The following REXO1 variants were observed in gnomAD, a reference collection of about 807,000 sequenced individuals.
REXO1 encodes the protein REX1, RNA exonuclease 1 homolog.
REXO1 carries 42 observed loss-of-function variants against 102.6 expected under a neutral mutation model. That is an observed-to-expected ratio of 0.41 (90% CI 0.32 to 0.53). REXO1 has a LOEUF of 0.53. REXO1 is among the 20% of genes least tolerant of loss of function. The probability of loss-of-function intolerance (pLI) is 0.27; values close to 1 mark genes in which losing one functional copy is unlikely to be tolerated. For missense variants in REXO1, 1,819 were observed against 1,732.5 expected, an observed-to-expected ratio of 1.05 and a Z score of -0.89; for synonymous variants, 908 against 779.1, an observed-to-expected ratio of 1.17 and a Z score of -2.76.
At chr19:1,819,838 T>C (rs926047762) in intron 7 of REXO1, 96 bp downstream of exon 7, 3 of 1,299,328 alleles carry the variant, frequency 2.3e-6, no homozygotes, top group Non-Finnish European at 3.1e-6. Flanking sequence ...AGACTGTGGC[T>C]GAGCTCAGGG....
chr19:1,818,736 A>C lies in REXO1; in HGVS notation c.2872T>G (p.Phe958Val). 6.2e-7 allele frequency: 1 copy of C among 1,611,252 alleles called. No individual in the cohort carries two copies. The highest frequency in any genetic ancestry group is 8.5e-7 in the Non-Finnish European group (1 of 1,179,890). The change falls in exon 9 of 16, where the codon TTC becomes GTC. Residue 958 changes from phenylalanine (F) to valine (V), a missense_variant. Coordinates refer to ENST00000170168, the MANE Select transcript of REXO1 (RefSeq NM_020695.4). ...TTGGGCCTCTTCTCCTCAGCTGTGA[A>C]GATGATTGCGCCCCCGGGCCGCTCT... The part of the protein sequence containing the change: ...HPERPGGAII[F>V]TAEEKRPKDS...
intron 1 of REXO1, among the ~76,000 whole-genome samples, chr19:1,840,422 C>G (rs1386984048): frequency 1.3e-5 from 2 of 152,158 alleles, no homozygotes; most frequent in East Asian, 3.9e-4. Flanking sequence ...CGCTCCCAGG[C>G]TGGGGACAGA....
At chr19:1,824,655 A>T (rs1244821238) in intron 3 of REXO1, 1 of 152,252 alleles carries the variant, frequency 6.6e-6, no homozygotes, top group Non-Finnish European at 1.5e-5. Flanking sequence ...GCAAATGTTA[A>T]GCATCAAATT....
Position 1,848,186 on chromosome 19 carries a change from G to C in REXO1, c.157+16C>G, listed in dbSNP as rs897937017. On this transcript the variant is annotated intron_variant, in intron 1 of 15. Coordinates refer to ENST00000170168, the MANE Select transcript of REXO1 (RefSeq NM_020695.4). ...AGGGGAGCCGAGCCCAAGGCAAGCA[G>C]GCGGGCGGGCATTACCTGCTGCGGG... 3.4e-6 allele frequency: 4 copies of C among 1,193,900 alleles called. No individual in the cohort carries two copies. The East Asian group carries it at 1.3e-4, about 39-fold the overall frequency. The allele number at this position is 1,193,900 out of a possible 1,614,324, so 74.0% of individuals were successfully genotyped here. A position where few individuals can be genotyped will look rare whatever the true frequency, so the allele number is the denominator to read the frequency against.
chr19:1,838,986 G>A (rs11084909), intron 1 of REXO1, among the ~76,000 whole-genome samples: 58,640 of 151,832 alleles, frequency 0.39, 13,114 homozygotes, highest in Non-Finnish European at 0.52. Flanking sequence ...TGGGCACGGT[G>A]GCTCACGCCT....
chr19:1,819,682 C>A (rs755218694), intron 7 of REXO1, among the ~76,000 whole-genome samples: 1 of 152,240 alleles, frequency 6.6e-6, no homozygotes, highest in African/African-American at 2.4e-5. Context: ...CATTAGCAGG[C>A]GGCCCCTCGG....
intron 1 of REXO1, among the ~76,000 whole-genome samples, chr19:1,831,132 T>C (rs900975075): frequency 2.0e-5 from 3 of 152,170 alleles, no homozygotes; most frequent in African/African-American, 7.2e-5. Flanking sequence ...GGCCTTCATT[T>C]ATGCTGCACC....
In REXO1 at chr19:1,827,330, C is replaced by A. The variant is rs1220845435; in HGVS notation, c.1459G>T (p.Ala487Ser). ...LQLPDRKSTK[A>S]PSGKLVERKA... Reference sequence around the variant, plus strand: ...CGCTCCACTAGCTTCCCCGACGGGGCCTTGGTGCTCTTCCTGTCGGGCAGC... The same window carrying A: ...CGCTCCACTAGCTTCCCCGACGGGGACTTGGTGCTCTTCCTGTCGGGCAGC... Residue 487 changes from alanine (A) to serine (S), a missense_variant, in exon 2 of 16, where the codon GCC becomes TCC. Transcript: ENST00000170168. 1.5e-5 allele frequency: 24 copies of A among 1,557,022 alleles called. No homozygotes were observed. The highest frequency in any genetic ancestry group is 2.0e-5 in the Non-Finnish European group (23 of 1,156,052).
At position 1,826,009 on chromosome 19, in the gene REXO1, T is replaced by A; in HGVS notation, c.1912-66A>T. 8.5e-7 allele frequency: 1 copy of A among 1,180,958 alleles called. No individual in the cohort carries two copies. The highest frequency in any genetic ancestry group is 1.3e-6 in the Non-Finnish European group (1 of 791,126). 73.2% of individuals were successfully genotyped at this position (1,180,958 alleles called of 1,614,324 possible). ...CTGCCAACACCAACACACCCCAACC[T>A]CAAACTGCCCCCGGCAAGTGGGGAA... On this transcript the variant is annotated intron_variant, in intron 2 of 15. Coordinates refer to ENST00000170168, the MANE Select transcript of REXO1 (RefSeq NM_020695.4). The surrounding 1 kb of genome is among the most constrained non-coding windows in gnomAD (Gnocchi z 4.3).
intron 1 of REXO1, among the ~76,000 whole-genome samples, chr19:1,832,914 CAA>C (rs71174388): frequency 0.01 from 760 of 75,886 alleles, 6 homozygotes; most frequent in African/African-American, 0.029. Flanking sequence ...GACTCTGTCT[CAA>C]AAAAAAAAAA....
Position 1,815,567 on chromosome 19 carries a change from C to T in REXO1, c.*499G>A, listed in dbSNP as rs1472190315. ...ACTGGGGTCTGTCCCACCCCCACCCCGCAGGAGGGAAGGCAGCAGGCCCGC... is the reference window on the plus strand; with the variant it reads ...ACTGGGGTCTGTCCCACCCCCACCCTGCAGGAGGGAAGGCAGCAGGCCCGC... On this transcript the variant is annotated 3_prime_UTR_variant, in exon 16 of 16. Transcript: ENST00000170168. This position sits in a 1 kb window ranked among gnomAD's most constrained non-coding sequence, Gnocchi z 4.0. The T allele has an allele frequency of 4.1e-6, 3 of 730,162 alleles. No homozygotes were observed. Among genetic ancestry groups the T allele is most frequent in the Non-Finnish European group, 5.5e-6 (3 of 540,930 alleles). The allele number at this position is 730,162 out of a possible 1,614,324, so 45.2% of individuals were successfully genotyped here. A position where few individuals can be genotyped will look rare whatever the true frequency, so the allele number is the denominator to read the frequency against.
chr19:1,831,908 C>A (rs1402335406), intron 1 of REXO1, among the ~76,000 whole-genome samples: 1 of 150,870 alleles, frequency 6.6e-6, no homozygotes, highest in Non-Finnish European at 1.5e-5. Context: ...GCTGGTTTCC[C>A]AAGCTGCTCC....
rs572426046 is a variant in REXO1, at chr19:1,815,746, G to A, written c.*320C>T. On this transcript the variant is annotated 3_prime_UTR_variant, in exon 16 of 16. Transcript: ENST00000170168. The surrounding 1 kb of genome is among the most constrained non-coding windows in gnomAD (Gnocchi z 4.0). ...GGAGCAGAGGTGCCGGCCACCACCCGGGAGGGAGGGCCTGGCAGGAGGGGC... is the reference window on the plus strand; with the variant it reads ...GGAGCAGAGGTGCCGGCCACCACCCAGGAGGGAGGGCCTGGCAGGAGGGGC... 63 of 1,416,462 alleles carry A rather than the reference G, an allele frequency of 4.4e-5. No homozygotes were observed. In the African/African-American group the frequency reaches 6.8e-4, roughly 15 times the overall value. 87.7% of individuals were successfully genotyped at this position (1,416,462 alleles called of 1,614,324 possible).
In REXO1 at chr19:1,822,063, G is replaced by A. The variant is rs982514934; in HGVS notation, c.2231-381C>T. The stretch of plus-strand genomic sequence containing the variant: ...GCTCATTGGCTTTGCCCTGCCCTGC[G>A]GCCTCTGTGTTCTGCCTTGCCCTTT... On this transcript the variant is annotated intron_variant, in intron 4 of 15. Transcript: ENST00000170168. 2.3e-5 allele frequency: 11 copies of A among 482,424 alleles called. No individual in the cohort carries two copies. In the South Asian group the frequency reaches 2.3e-4, roughly 10 times the overall value. 29.9% of individuals were successfully genotyped at this position (482,424 alleles called of 1,614,324 possible). A position where few individuals can be genotyped will look rare whatever the true frequency, so the allele number is the denominator to read the frequency against.
At chr19:1,842,345 T>C (rs1568719131) in intron 1 of REXO1, among the ~76,000 whole-genome samples, 1 of 152,262 alleles carries the variant, frequency 6.6e-6, no homozygotes, top group East Asian at 1.9e-4. Flanking sequence ...TCCCCAGCAC[T>C]GAAGGGTGCT....
chr19:1,832,978 C>G (rs942872425), intron 1 of REXO1, among the ~76,000 whole-genome samples: 1 of 151,702 alleles, frequency 6.6e-6, no homozygotes, highest in Non-Finnish European at 1.5e-5. Context: ...GCCTGTAATC[C>G]CAGCACTTTG....
At chr19:1,834,655 C>T (rs777917351) in intron 1 of REXO1, among the ~76,000 whole-genome samples, 14 of 152,160 alleles carry the variant, frequency 9.2e-5, no homozygotes, top group Non-Finnish European at 1.6e-4. Context: ...TAAGCTCAAG[C>T]GGTCTTCTCG....
intron 5 of REXO1, 22 bp from the exon 6 acceptor site, chr19:1,820,417 C>G (rs756706784): frequency 1.2e-6 from 2 of 1,611,348 alleles, no homozygotes; most frequent in Admixed American, 3.4e-5. Flanking sequence ...GCAAAAGCTG[C>G]CATGGGTGAG....
At chr19:1,845,283 C>T (rs867519309) in intron 1 of REXO1, among the ~76,000 whole-genome samples, 1 of 152,198 alleles carries the variant, frequency 6.6e-6, no homozygotes, top group Non-Finnish European at 1.5e-5. Context: ...GGATGCACAT[C>T]CCTGCGTCCC....
Sources: allele counts gnomAD v4.1 joint callset (sites outside exome capture counted in the v4.1 genomes callset), GRCh38; gene constraint gnomAD v4.1.1; non-coding constraint Gnocchi (gnomAD v3.1); transcripts MANE v1.5; gene names NCBI Gene and HGNC (gene_info 2026-07-23, HGNC 2026-07-21).